The following GPR139 variants were observed in gnomAD, a reference collection of about 807,000 sequenced individuals.
GPR139 encodes the protein probable G protein-coupled receptor 139.
GPR139 carries 12 observed loss-of-function variants against 25.8 expected under a neutral mutation model. The ratio of observed to expected loss-of-function variants is 0.47; its 90% CI spans 0.30 to 0.75. The LOEUF (loss-of-function observed/expected upper bound fraction) is 0.75, where lower values mean the gene tolerates loss of function less well. Among genes scored for constraint, GPR139 ranks in the 30% least tolerant of loss-of-function variants. The pLI, the probability that GPR139 is intolerant of heterozygous loss-of-function variation, is 0.07. For missense variants in GPR139, 380 were observed against 450.2 expected, an observed-to-expected ratio of 0.84 and a Z score of 1.41; for synonymous variants, 184 against 179.9, an observed-to-expected ratio of 1.02 and a Z score of -0.18.
chr16:20,052,494 C>T lies in GPR139; in HGVS notation c.128-19825G>A, dbSNP rs528720575. ...CTTTTTCTTCCAGAAGGGAAGTAAT[C>T]TTTATAATAAAAAATAATAGCGGCT... On this transcript the variant is annotated intron_variant, in intron 1 of 1. Transcript: ENST00000570682. Among the ~76,000 whole-genome samples, 5 of 152,312 alleles carry T rather than the reference C, an allele frequency of 3.3e-5. No individual in the cohort carries two copies. In the South Asian group the frequency reaches 1.0e-3, roughly 32 times the overall value.
intron 1 of GPR139, among the ~76,000 whole-genome samples, chr16:20,057,714 C>T (rs1028610932): frequency 6.6e-6 from 1 of 152,068 alleles, no homozygotes; most frequent in Non-Finnish European, 1.5e-5. Flanking sequence ...GACTTAGACT[C>T]CATGCCTACT....
rs1240345204 is a variant in GPR139, at chr16:20,030,617, C to A, written c.*1118G>T. On this transcript the variant is annotated 3_prime_UTR_variant, in exon 2 of 2. Transcript: ENST00000570682. Reference sequence around the variant, plus strand: ...CTGGCACCCCCTTTTGAGCCATGTGCGTCAAAGGGCAGACGAGGCGTCAGC... The same window carrying A: ...CTGGCACCCCCTTTTGAGCCATGTGAGTCAAAGGGCAGACGAGGCGTCAGC... Among the ~76,000 whole-genome samples the A allele has an allele frequency of 6.6e-6, 1 of 152,150 alleles. No individual in the cohort carries two copies. The highest frequency in any genetic ancestry group is 1.5e-5 in the Non-Finnish European group (1 of 68,042).
chr16:20,058,217 A>AG (rs143214755), intron 1 of GPR139, among the ~76,000 whole-genome samples: 6,169 of 152,282 alleles, frequency 0.041, 148 homozygotes, highest in Non-Finnish European at 0.056. Context: ...ATACCCAGCA[A>AG]AAACTCCAGG....
Position 20,057,647 on chromosome 16 carries a change from C to T in GPR139, c.127+15843G>A, listed in dbSNP as rs562250636. ...ATCCACCCATCCATCCATCCAATAC[C>T]TACCAGGCCCCCTACCATGTGCCAA... On this transcript the variant is annotated intron_variant, in intron 1 of 1. Transcript: ENST00000570682. Among the ~76,000 whole-genome samples the T allele has an allele frequency of 8.3e-4, 126 of 152,076 alleles. 1 individual carries two copies. Among genetic ancestry groups the T allele is most frequent in the African/African-American group, 2.7e-3 (111 of 41,470 alleles).
At chr16:20,060,303 ATC>A (rs2057407691) in intron 1 of GPR139, among the ~76,000 whole-genome samples, 1 of 150,654 alleles carries the variant, frequency 6.6e-6, no homozygotes, top group Non-Finnish European at 1.5e-5. Flanking sequence ...CTATATGTGT[ATC>A]TCTGTGTGTG....
chr16:20,038,329 A>ATATGTGTG (rs1295913117), intron 1 of GPR139, among the ~76,000 whole-genome samples: 8 of 95,956 alleles, frequency 8.3e-5, no homozygotes, highest in African/African-American at 2.3e-4. Flanking sequence ...TAATATATAT[A>ATATGTGTG]TGTGTGTGTG....
chr16:20,041,989 C>G (rs1189145976), intron 1 of GPR139, among the ~76,000 whole-genome samples: 1 of 152,062 alleles, frequency 6.6e-6, no homozygotes, highest in Non-Finnish European at 1.5e-5. Flanking sequence ...TATTTGGGTA[C>G]CTAAGAACCT....
At chr16:20,033,401 G>A (rs1277973025) in intron 1 of GPR139, among the ~76,000 whole-genome samples, 5 of 152,192 alleles carry the variant, frequency 3.3e-5, no homozygotes, top group African/African-American at 9.7e-5. Context: ...TAAGCAACTT[G>A]CTTAGAGCTA....
At chr16:20,068,857 T>C (rs2057447417) in intron 1 of GPR139, among the ~76,000 whole-genome samples, 1 of 152,118 alleles carries the variant, frequency 6.6e-6, no homozygotes, top group East Asian at 1.9e-4. Flanking sequence ...TTTCTGCATC[T>C]ATTGAGATGG....
At chr16:20,033,268 A>G (rs1196601023) in intron 1 of GPR139, among the ~76,000 whole-genome samples, 5 of 151,728 alleles carry the variant, frequency 3.3e-5, no homozygotes, top group Non-Finnish European at 7.4e-5. Flanking sequence ...CAACCGTGAG[A>G]GGCGATGCTG....
In GPR139 at chr16:20,031,741, G is replaced by A. The variant is rs562228746; in HGVS notation, c.1056C>T (p.Ser352=). The A allele has an allele frequency of 3.1e-6, 5 of 1,612,962 alleles. No homozygotes were observed. The highest frequency in any genetic ancestry group is 2.7e-5 in the African/African-American group (2 of 74,984). Residue 352 remains serine (S), a synonymous_variant, in exon 2 of 2, where the codon TCC becomes TCT. Coordinates refer to ENST00000570682, the MANE Select transcript of GPR139 (RefSeq NM_001002911.4). ...YDKNGKPIKV[S]P ...AGTTGCCACACCTATGGAATCACGG[G>A]GATACTTTTATAGGTTTTCCATTTT... is the stretch of plus-strand genomic sequence containing the variant.
intron 1 of GPR139, among the ~76,000 whole-genome samples, chr16:20,067,824 A>AAAAAAAAG (rs59246587): frequency 6.6e-6 from 1 of 151,312 alleles, no homozygotes. Flanking sequence ...AAAAAAAAAA[A>AAAAAAAAG]GCATTGGAGT....
chr16:20,046,226 T>G (rs1430795669), intron 1 of GPR139, among the ~76,000 whole-genome samples: 1 of 152,218 alleles, frequency 6.6e-6, no homozygotes, highest in African/African-American at 2.4e-5. Context: ...AAAGGAAGAA[T>G]TAAATAAGAT....
At chr16:20,065,845 A>G (rs1382003510) in intron 1 of GPR139, among the ~76,000 whole-genome samples, 1 of 149,158 alleles carries the variant, frequency 6.7e-6, no homozygotes, top group African/African-American at 2.5e-5. Flanking sequence ...TGCACTCCAC[A>G]CTCCAGCACG....
intron 1 of GPR139, among the ~76,000 whole-genome samples, chr16:20,060,029 A>G (rs1366496153): frequency 6.6e-6 from 1 of 151,312 alleles, no homozygotes; most frequent in Non-Finnish European, 1.5e-5. Context: ...GCCCACCCCG[A>G]CCCTCCTTAT....
chr16:20,070,883 GA>G, intron 1 of GPR139: 2 of 906,766 alleles, frequency 2.2e-6, no homozygotes, highest in Non-Finnish European at 2.6e-6. Context: ...GATGGGTGGG[GA>G]CCACTGTGGT....
chr16:20,049,422 T>A (rs1416187531), intron 1 of GPR139, among the ~76,000 whole-genome samples: 1 of 152,230 alleles, frequency 6.6e-6, no homozygotes, highest in East Asian at 1.9e-4. Context: ...ATAATAGCTA[T>A]TGAATCAAAT....
chr16:20,050,514 G>A (rs891081793), intron 1 of GPR139, among the ~76,000 whole-genome samples: 5 of 152,158 alleles, frequency 3.3e-5, no homozygotes, highest in African/African-American at 1.2e-4. Context: ...AAAATCAGAA[G>A]GGAAGGCCAT....
At chr16:20,072,499 T>C (rs1268474036) in intron 1 of GPR139, among the ~76,000 whole-genome samples, 3 of 152,104 alleles carry the variant, frequency 2.0e-5, no homozygotes, top group Non-Finnish European at 4.4e-5. Flanking sequence ...TTTCAGTCCC[T>C]CTCTCCTCTC....
Sources: allele counts gnomAD v4.1 joint callset (sites outside exome capture counted in the v4.1 genomes callset), GRCh38; gene constraint gnomAD v4.1.1; transcripts MANE v1.5; gene names NCBI Gene and HGNC (gene_info 2026-07-23, HGNC 2026-07-21).